ZC3H12B: variants seen among roughly 807,000 people sequenced by gnomAD.
ZC3H12B encodes the protein zinc finger CCCH-type containing 12B.
A neutral mutation model predicts 43.9 loss-of-function variants in ZC3H12B; 7 were observed. The observed-to-expected ratio is 0.16, with a 90% confidence interval of 0.09 to 0.30. ZC3H12B has a LOEUF of 0.30. ZC3H12B is among the 10% of genes least tolerant of loss of function. The pLI is 1.00. For missense variants in ZC3H12B, 475 were observed against 670.2 expected, an observed-to-expected ratio of 0.71 and a Z score of 3.22; for synonymous variants, 222 against 241.7, an observed-to-expected ratio of 0.92 and a Z score of 0.76.
At chrX:65,455,044 A>T (rs1484662202) in intron 3 of ZC3H12B, among the ~76,000 whole-genome samples, 1 of 112,164 alleles carries the variant, frequency 8.9e-6, no homozygotes, top group African/African-American at 3.2e-5. Flanking sequence ...GAGCAGAAAA[A>T]TTGAAAATTC....
the ZC3H12B span, among the ~76,000 whole-genome samples, chrX:65,282,843 C>G: frequency 9.0e-6 from 1 of 111,614 alleles, no homozygotes; most frequent in Non-Finnish European, 1.9e-5. Flanking sequence ...AGCCTGCCAA[C>G]AAAAACAAGT....
At chrX:65,220,034 G>T in the ZC3H12B span, among the ~76,000 whole-genome samples, 1 of 111,034 alleles carries the variant, frequency 9.0e-6, no homozygotes, top group Non-Finnish European at 1.9e-5. Flanking sequence ...AAGCTGAAAG[G>T]GATAGGGGTC....
At position 65,426,573 on chromosome X, in the gene ZC3H12B, C is replaced by T. The variant is rs1478662994; in HGVS notation, n.407+27869C>T. 5.5e-5 allele frequency among the ~76,000 whole-genome samples: 6 copies of T among 110,068 alleles called. No individual in the cohort carries two copies. The East Asian group carries it at 8.5e-4, about 16-fold the overall frequency. ...TTTAATTGAGATGTTAGGTTGTTAA[C>T]GAGATCTTTCTAGATTTTTGATGTG... On this transcript the variant is annotated intron_variant and non_coding_transcript_variant, in intron 3 of 5. Coordinates refer to the ZC3H12B transcript ENST00000617377.
chrX:65,258,577 G>A, the ZC3H12B span, among the ~76,000 whole-genome samples: 13 of 111,471 alleles, frequency 1.2e-4, 1 homozygote, highest in South Asian at 4.9e-3. Context: ...CAGCAATCAG[G>A]CAAGAGAAAG....
At chrX:65,165,362 A>G in the ZC3H12B span, among the ~76,000 whole-genome samples, 9,286 of 111,770 alleles carry the variant, frequency 0.083, 1,028 homozygotes, top group African/African-American at 0.29. Flanking sequence ...GACTGCACCT[A>G]TCAGCCTGTC....
exon 1 of ZC3H12B, chrX:65,489,302 G>T: frequency 8.3e-7 from 1 of 1,211,449 alleles, no homozygotes; most frequent in Non-Finnish European, 1.1e-6. Context: ...TGCCTCGTGG[G>T]CCCAGCTCCA....
At chrX:65,322,913 A>G in the ZC3H12B span, among the ~76,000 whole-genome samples, 7 of 111,743 alleles carry the variant, frequency 6.3e-5, no homozygotes, top group African/African-American at 2.3e-4. Context: ...TCAACTTTTT[A>G]TTAATGTTTT....
intron 2 of ZC3H12B, among the ~76,000 whole-genome samples, chrX:65,393,036 T>A (rs1445820446): frequency 2.7e-5 from 3 of 111,421 alleles, no homozygotes; most frequent in Non-Finnish European, 5.7e-5. Context: ...GTTAAACAGA[T>A]GCTTGAAGGC....
the ZC3H12B span, among the ~76,000 whole-genome samples, chrX:65,299,878 C>T: frequency 8.9e-6 from 1 of 112,539 alleles, no homozygotes; most frequent in Non-Finnish European, 1.9e-5. Flanking sequence ...AACACACATC[C>T]TTACTGGGGA....
At chrX:65,276,403 T>C in the ZC3H12B span, among the ~76,000 whole-genome samples, 2 of 111,029 alleles carry the variant, frequency 1.8e-5, no homozygotes, top group Admixed American at 1.9e-4. Context: ...AGAGTCAAAT[T>C]GTCAAACATT....
chrX:65,312,778 G>A, the ZC3H12B span, among the ~76,000 whole-genome samples: 13 of 111,959 alleles, frequency 1.2e-4, no homozygotes, highest in Non-Finnish European at 2.1e-4. Context: ...AGCTCTCTGG[G>A]ACATCTATTT....
the ZC3H12B span, among the ~76,000 whole-genome samples, chrX:65,221,133 TAA>T: frequency 1.8e-5 from 2 of 111,815 alleles, no homozygotes; most frequent in Non-Finnish European, 3.8e-5. Context: ...GATGGAAATT[TAA>T]AAAACTATTT....
upstream of ZC3H12B, among the ~76,000 whole-genome samples, chrX:65,365,659 G>A (rs760973149): frequency 1.2e-4 from 13 of 111,262 alleles, no homozygotes; most frequent in Admixed American, 1.9e-4. Context: ...TAAGAAGACA[G>A]GAATGTCAGG....
the ZC3H12B span, among the ~76,000 whole-genome samples, chrX:65,170,534 G>A: frequency 2.7e-5 from 3 of 111,296 alleles, no homozygotes; most frequent in South Asian, 7.6e-4. Context: ...TTCTCTAGGA[G>A]TATCTTTGTG....
chrX:65,151,862 A>T, the ZC3H12B span, among the ~76,000 whole-genome samples: 1 of 111,998 alleles, frequency 8.9e-6, no homozygotes, highest in African/African-American at 3.2e-5. Flanking sequence ...ATTCAACAGC[A>T]CATCAAACAG....
the ZC3H12B span, among the ~76,000 whole-genome samples, chrX:65,209,992 C>G: frequency 1.3e-5 from 1 of 76,052 alleles, no homozygotes; most frequent in Non-Finnish European, 2.1e-5. Context: ...CATTACCATT[C>G]AAGACATAGG....
intron 2 of ZC3H12B, among the ~76,000 whole-genome samples, chrX:65,383,283 A>C (rs922135595): frequency 8.9e-6 from 1 of 111,745 alleles, no homozygotes; most frequent in African/African-American, 3.3e-5. Flanking sequence ...GAACAGAGAC[A>C]TCAGAATTAA....
the ZC3H12B span, among the ~76,000 whole-genome samples, chrX:65,219,807 CAT>C: frequency 1.1e-5 from 1 of 89,152 alleles, no homozygotes. Context: ...CATACACACA[CAT>C]ACACACACAC....
chrX:65,386,181 C>T (rs1015015988), intron 2 of ZC3H12B, among the ~76,000 whole-genome samples: 1 of 111,907 alleles, frequency 8.9e-6, no homozygotes, highest in African/African-American at 3.3e-5. Context: ...AGGGAGGATT[C>T]CCTCTTTTTC....
Sources: gnomAD v4.1 joint callset for allele counts (sites outside exome capture counted in the v4.1 genomes callset) on GRCh38, gnomAD v4.1.1 for gene constraint, MANE v1.5 for transcripts, NCBI Gene and HGNC (gene_info 2026-07-23, HGNC 2026-07-21) for gene names.